Variants in HPSE2 observed in about 807,000 individuals in gnomAD.
HPSE2 encodes heparanase 2 (inactive).
A neutral mutation model predicts 60.5 loss-of-function variants in HPSE2; 38 were observed. The observed-to-expected ratio is 0.63, with a 90% CI of 0.48 to 0.82. The LOEUF (loss-of-function observed/expected upper bound fraction) is 0.82. Ranked by LOEUF, HPSE2 falls within the 40% of genes least tolerant of loss-of-function variation. The probability of loss-of-function intolerance (pLI) is 0.00; values close to 1 mark genes in which losing one functional copy is unlikely to be tolerated. For missense variants in HPSE2, 713 were observed against 740.4 expected, an observed-to-expected ratio of 0.96 and a Z score of 0.43; for synonymous variants, 295 against 293.2, an observed-to-expected ratio of 1.01 and a Z score of -0.06.
rs558501633 is a variant in HPSE2 at position 98,938,540 on chromosome 10, A to C, written c.611-194484T>G. On this transcript the variant is annotated intron_variant, in intron 3 of 11. Coordinates refer to ENST00000370552, the MANE Select transcript of HPSE2 (RefSeq NM_021828.5). ...GAAGCAAGAAGGGAAGTTTAGAGAA[A>C]AAAGAATAAAAACAAACAAAGCCTC... Among the ~76,000 whole-genome samples, 357 of 143,762 alleles carry C rather than the reference A, an allele frequency of 2.5e-3. 34 individuals carry two copies. Among genetic ancestry groups the C allele is most frequent in the Middle Eastern group, 0.014 (4 of 278 alleles). The allele number at this position is 143,762 out of a possible 152,430, so 94.3% of individuals were successfully genotyped here.
chr10:98,865,961 AT>A (rs1403531271), intron 3 of HPSE2, among the ~76,000 whole-genome samples: 2 of 152,140 alleles, frequency 1.3e-5, no homozygotes, highest in African/African-American at 4.8e-5. Flanking sequence ...GCTCAGAACA[AT>A]ACAAAAATAT....
intron 3 of HPSE2, among the ~76,000 whole-genome samples, chr10:98,927,411 C>T (rs1025166361): frequency 2.2e-4 from 33 of 151,190 alleles, no homozygotes; most frequent in African/African-American, 7.0e-4. Flanking sequence ...GGCCATACTG[C>T]CCAAGGTAAT....
chr10:99,031,712 C>T (rs11596018), intron 3 of HPSE2, among the ~76,000 whole-genome samples: 5,768 of 152,146 alleles, frequency 0.038, 141 homozygotes, highest in South Asian at 0.057. Context: ...AGAAAACAAC[C>T]AGTTTTGATA....
intron 11 of HPSE2, among the ~76,000 whole-genome samples, chr10:98,478,046 G>A (rs1456206534): frequency 6.6e-6 from 1 of 152,208 alleles, no homozygotes; most frequent in African/African-American, 2.4e-5. Flanking sequence ...ACCAGTCCCT[G>A]GTGCTAAAAC....
intron 9 of HPSE2, among the ~76,000 whole-genome samples, chr10:98,549,278 T>C (rs1004378965): frequency 1.3e-5 from 2 of 152,314 alleles, no homozygotes; most frequent in Middle Eastern, 3.4e-3. Flanking sequence ...TAGTTGTTGA[T>C]AAAATTAAAT....
the HPSE2 span, among the ~76,000 whole-genome samples, chr10:99,259,172 G>A: frequency 6.6e-6 from 1 of 152,050 alleles, no homozygotes; most frequent in Admixed American, 6.6e-5. Flanking sequence ...CAGGCATGAT[G>A]GCACATGCCT....
At chr10:99,272,607 T>TA in the HPSE2 span, among the ~76,000 whole-genome samples, 57 of 151,874 alleles carry the variant, frequency 3.8e-4, no homozygotes, top group Non-Finnish European at 6.3e-4. Context: ...AAAAGTAGAC[T>TA]AAGGACATGA....
chr10:98,943,262 A>G (rs73332102), intron 3 of HPSE2, among the ~76,000 whole-genome samples: 72,599 of 151,232 alleles, frequency 0.48, 19,538 homozygotes, highest in East Asian at 0.62. Context: ...TAATAAAAAA[A>G]TAAATAAATA....
chr10:98,857,493 A>G (rs1952346511), intron 3 of HPSE2, among the ~76,000 whole-genome samples: 1 of 152,164 alleles, frequency 6.6e-6, no homozygotes, highest in Non-Finnish European at 1.5e-5. Flanking sequence ...ACAAACTTGA[A>G]TCATTCCCCA....
chr10:99,218,773 T>C (rs1180606146), intron 2 of HPSE2, among the ~76,000 whole-genome samples: 2 of 152,234 alleles, frequency 1.3e-5, no homozygotes, highest in Non-Finnish European at 2.9e-5. Flanking sequence ...TTAGGTTACA[T>C]GTTTAGTTTC....
Position 98,681,584 on chromosome 10 carries a change from T to C in HPSE2, c.1004+12316A>G, listed in dbSNP as rs1463646650. Among the ~76,000 whole-genome samples the C allele has an allele frequency of 2.6e-5, 4 of 152,336 alleles. No individual in the cohort carries two copies. The South Asian group carries it at 6.2e-4, about 24-fold the overall frequency. ...TAAGAAACTATCACTTGTTGAATTT[T>C]GTTATAGTATATGAGAACAGCTACA... On this transcript the variant is annotated intron_variant, in intron 6 of 11. Transcript: ENST00000370552.
At chr10:98,614,849 T>A (rs947437003) in intron 9 of HPSE2, 55 bp downstream of exon 9, 2 of 1,185,368 alleles carry the variant, frequency 1.7e-6, no homozygotes, top group Non-Finnish European at 2.5e-6. Flanking sequence ...CAAGGCATGA[T>A]CAAAAGAACT....
intron 9 of HPSE2, among the ~76,000 whole-genome samples, chr10:98,543,400 C>T (rs1432936622): frequency 6.6e-6 from 1 of 152,098 alleles, no homozygotes; most frequent in South Asian, 2.1e-4. Context: ...ACCAACGAGA[C>T]TAGGAAGCAA....
At chr10:98,905,611 G>A (rs1953794180) in intron 3 of HPSE2, among the ~76,000 whole-genome samples, 1 of 152,088 alleles carries the variant, frequency 6.6e-6, no homozygotes, top group South Asian at 2.1e-4. Context: ...CCTGCTCCCA[G>A]ACCAGCATTA....
intron 9 of HPSE2, among the ~76,000 whole-genome samples, chr10:98,555,344 C>T (rs1472525602): frequency 6.6e-6 from 1 of 152,142 alleles, no homozygotes; most frequent in Non-Finnish European, 1.5e-5. Flanking sequence ...GCTGTTTGCA[C>T]ATTCTGCCTT....
Position 99,232,470 on chromosome 10 carries a change from G to A in HPSE2, c.326C>T (p.Ser109Leu). ...KRLVTLARGL[S>L]PAFLRFGGKR... The stretch of plus-strand genomic sequence containing the variant: ...GCCCCCGAAGCGCAGAAAGGCGGGC[G>A]AAAGTCCCCGGGCCAGGGTCACCAA... The change falls in exon 2 of 12, where the codon TCG becomes TTG. Residue 109 changes from serine (S) to leucine (L), a missense_variant. Coordinates refer to ENST00000370552, the MANE Select transcript of HPSE2 (RefSeq NM_021828.5). The A allele has an allele frequency of 5.1e-6, 8 of 1,556,936 alleles. No homozygotes were observed. The highest frequency in any genetic ancestry group is 1.2e-5 in the South Asian group (1 of 84,472).
intron 3 of HPSE2, among the ~76,000 whole-genome samples, chr10:98,753,025 T>C (rs1949794123): frequency 6.6e-6 from 1 of 152,168 alleles, no homozygotes; most frequent in Admixed American, 6.5e-5. Context: ...GAATGGTGGA[T>C]ACCAGATGCT....
At chr10:98,552,649 TTTTTTCACA>T (rs1417657008) in intron 9 of HPSE2, among the ~76,000 whole-genome samples, 1 of 152,176 alleles carries the variant, frequency 6.6e-6, no homozygotes, top group Non-Finnish European at 1.5e-5. Flanking sequence ...CTATGATGAC[TTTTTTCACA>T]TTTTTCACAT....
At chr10:98,559,584 A>C (rs754286604) in intron 9 of HPSE2, among the ~76,000 whole-genome samples, 38 of 152,128 alleles carry the variant, frequency 2.5e-4, no homozygotes, top group Non-Finnish European at 5.1e-4. Flanking sequence ...TCCTGATTTC[A>C]TTAATCCATC....
Sources: allele counts gnomAD v4.1 joint callset (sites outside exome capture counted in the v4.1 genomes callset), GRCh38; gene constraint gnomAD v4.1.1; transcripts MANE v1.5; gene names NCBI Gene and HGNC (gene_info 2026-07-23, HGNC 2026-07-21).